The following DMD variants were observed in gnomAD, a reference collection of about 807,000 sequenced individuals.
DMD encodes the protein dystrophin.
In DMD, 63 loss-of-function variants were observed where a neutral mutation model predicts 330.1. That is an observed-to-expected ratio of 0.19 (90% CI 0.16 to 0.24). The LOEUF is 0.24. Among genes scored for constraint, DMD ranks in the 10% least tolerant of loss-of-function variants. DMD has a pLI of 1.00. For missense variants in DMD, 3,344 were observed against 2,684.1 expected (o/e 1.25, Z -5.43); for synonymous variants, 1,223 against 959.8 (o/e 1.27, Z -5.07).
chrX:32,633,116 T>G (rs113213936), intron 11 of DMD, among the ~76,000 whole-genome samples: 1,455 of 112,375 alleles, frequency 0.013, 17 homozygotes, highest in African/African-American at 0.043. Flanking sequence ...ATCTCAGAAC[T>G]TAAAGTACAA....
Position 31,746,717 on chromosome X carries a change from T to C in DMD, c.7543-16969A>G, listed in dbSNP as rs768002753. ...ACAACCATGTGTTCACCTTAAACAATGCTATATTAATGGCTTGGAAATCCT... is the reference window on the plus strand; with the variant it reads ...ACAACCATGTGTTCACCTTAAACAACGCTATATTAATGGCTTGGAAATCCT... On this transcript the variant is annotated intron_variant, in intron 51 of 78. Transcript: ENST00000357033. Among the ~76,000 whole-genome samples, 4 of 110,984 alleles carry C rather than the reference T, an allele frequency of 3.6e-5. No homozygotes were observed. In the South Asian group the frequency reaches 1.6e-3, roughly 43 times the overall value.
chrX:31,589,281 T>C (rs2076758692), intron 55 of DMD, among the ~76,000 whole-genome samples: 1 of 110,863 alleles, frequency 9.0e-6, no homozygotes, highest in African/African-American at 3.3e-5. Flanking sequence ...GACCAACCCA[T>C]CTCTTAGGTC....
intron 2 of DMD, among the ~76,000 whole-genome samples, chrX:32,989,756 T>C (rs747583354): frequency 9.0e-6 from 1 of 111,386 alleles, no homozygotes; most frequent in Non-Finnish European, 1.9e-5. Context: ...TTTGCCTGTA[T>C]ATAAAAAGTA....
chrX:32,685,321 T>C (rs1471107280), intron 9 of DMD, among the ~76,000 whole-genome samples: 2 of 111,783 alleles, frequency 1.8e-5, no homozygotes, highest in African/African-American at 6.5e-5. Context: ...TTTTCAGGTA[T>C]TATAAAGTAA....
intron 61 of DMD, among the ~76,000 whole-genome samples, chrX:31,345,646 G>A (rs1602029950): frequency 9.0e-6 from 1 of 111,308 alleles, no homozygotes; most frequent in South Asian, 3.8e-4. Context: ...CAATTAAATC[G>A]AATAGAATGG....
chrX:32,219,915 C>T (rs1169427918), intron 43 of DMD, among the ~76,000 whole-genome samples: 3 of 104,621 alleles, frequency 2.9e-5, no homozygotes, highest in African/African-American at 1.0e-4. Flanking sequence ...ACAAATCCCC[C>T]TCTCACCCTG....
In DMD at chrX:31,810,991, T is replaced by C. The variant is rs989158675; in HGVS notation, c.7309+8984A>G. Among the ~76,000 whole-genome samples, 79 of 111,860 alleles carry C rather than the reference T, an allele frequency of 7.1e-4. 1 individual carries two copies. The highest frequency in any genetic ancestry group is 2.2e-3 in the African/African-American group (67 of 30,841). On this transcript the variant is annotated intron_variant, in intron 50 of 78. Transcript: ENST00000357033. ...TTTATTTCTGTTAAAATGCAGGACATAGGTAATCAAAAAATCTCTAATCAT... is the reference window on the plus strand; with the variant it reads ...TTTATTTCTGTTAAAATGCAGGACACAGGTAATCAAAAAATCTCTAATCAT...
At chrX:32,347,677 T>A (rs1305307643) in intron 38 of DMD, among the ~76,000 whole-genome samples, 3 of 111,707 alleles carry the variant, frequency 2.7e-5, no homozygotes, top group Non-Finnish European at 5.7e-5. Flanking sequence ...TTGTAAAGGT[T>A]AAGAATGCCA....
intron 19 of DMD, among the ~76,000 whole-genome samples, chrX:32,501,253 G>A (rs946899299): frequency 5.4e-5 from 6 of 111,680 alleles, no homozygotes; most frequent in Non-Finnish European, 1.1e-4. Flanking sequence ...AGGTTATCCC[G>A]AAGAGACTTC....
chrX:32,446,603 G>A (rs1180162073), intron 27 of DMD, among the ~76,000 whole-genome samples: 2 of 110,038 alleles, frequency 1.8e-5, no homozygotes, highest in Admixed American at 9.7e-5. Context: ...CAAAAACTGG[G>A]AAAATAGCAT....
intron 41 of DMD, among the ~76,000 whole-genome samples, chrX:32,327,138 C>T: frequency 9.3e-6 from 1 of 107,594 alleles, no homozygotes; most frequent in Non-Finnish European, 1.9e-5. Context: ...GCTATTATCT[C>T]CTGTTTCAGT....
chrX:32,622,773 G>A (rs1320647005), intron 11 of DMD, among the ~76,000 whole-genome samples: 1 of 111,013 alleles, frequency 9.0e-6, no homozygotes, highest in African/African-American at 3.3e-5. Flanking sequence ...TGCCCCCCGG[G>A]GTCTTGATCA....
At chrX:32,265,920 C>A (rs1383501898) in intron 43 of DMD, among the ~76,000 whole-genome samples, 1 of 111,618 alleles carries the variant, frequency 9.0e-6, no homozygotes, top group Admixed American at 9.5e-5. Flanking sequence ...AGACTTTGGA[C>A]TTGGACTCCT....
chrX:31,239,558 A>G (rs950890209), intron 63 of DMD, among the ~76,000 whole-genome samples: 1 of 111,450 alleles, frequency 9.0e-6, no homozygotes, highest in African/African-American at 3.3e-5. Flanking sequence ...GAACAAAAAT[A>G]TAAAGGCTCA....
intron 1 of DMD, among the ~76,000 whole-genome samples, chrX:33,278,912 T>A (rs2053277708): frequency 9.0e-6 from 1 of 111,327 alleles, no homozygotes; most frequent in Admixed American, 9.6e-5. Context: ...CACACCAATG[T>A]CCTAAATCAA....
At chrX:32,781,558 T>G (rs2074764332) in intron 7 of DMD, among the ~76,000 whole-genome samples, 1 of 110,950 alleles carries the variant, frequency 9.0e-6, no homozygotes, top group Admixed American at 9.7e-5. Flanking sequence ...ATAAGTATTA[T>G]GTAATTAAGT....
At chrX:32,525,132 G>C (rs999264817) in intron 17 of DMD, among the ~76,000 whole-genome samples, 3 of 111,416 alleles carry the variant, frequency 2.7e-5, no homozygotes, top group African/African-American at 9.8e-5. Context: ...CACAATTCAA[G>C]CTCTGAGCTA....
chrX:31,571,400 T>C (rs1470300501), intron 55 of DMD, among the ~76,000 whole-genome samples: 1 of 88,736 alleles, frequency 1.1e-5, no homozygotes, highest in Non-Finnish European at 2.2e-5. Flanking sequence ...AAATTTAGCA[T>C]GTTATTAATC....
chrX:31,312,383 A>T (rs779360282), intron 62 of DMD, among the ~76,000 whole-genome samples: 35 of 112,707 alleles, frequency 3.1e-4, no homozygotes, highest in Non-Finnish European at 4.7e-4. Flanking sequence ...TCATCAGAGA[A>T]ATGCAAATGA....
Sources: allele counts gnomAD v4.1 joint callset (sites outside exome capture counted in the v4.1 genomes callset), GRCh38; gene constraint gnomAD v4.1.1; transcripts MANE v1.5; gene names NCBI Gene and HGNC (gene_info 2026-07-23, HGNC 2026-07-21).